Variants in CLPX observed in about 807,000 individuals in gnomAD.
CLPX encodes the protein caseinolytic mitochondrial matrix peptidase chaperone subunit X.
CLPX carries 34 observed loss-of-function variants against 76.4 expected under a neutral mutation model. The observed-to-expected ratio is 0.45, with a 90% CI of 0.34 to 0.59. CLPX has a LOEUF of 0.59. CLPX is among the 20% of genes least tolerant of loss of function. The probability of loss-of-function intolerance (pLI) is 0.01; values close to 1 mark genes in which losing one functional copy is unlikely to be tolerated. For synonymous variants in CLPX, 248 were observed against 270.9 expected (o/e 0.92, Z 0.83); for missense variants, 613 against 757.0 (o/e 0.81, Z 2.23).
chr15:65,168,300 T>C (rs1489441378), intron 3 of CLPX, among the ~76,000 whole-genome samples: 38 of 131,786 alleles, frequency 2.9e-4, no homozygotes, highest in African/African-American at 1.0e-3. Context: ...AGGAGAATGG[T>C]ATGAACCCGG....
Position 65,158,211 on chromosome 15 carries a change from A to G in CLPX, c.893-301T>C, listed in dbSNP as rs1034925988. ...CTAATACTTTATTTTTTATAGAGAT[A>G]GAGTCTTGCTCTGTTGCCTAGGCTG... On this transcript the variant is annotated intron_variant, in intron 7 of 13. Transcript: ENST00000300107. 4 of 307,844 alleles carry G rather than the reference A, an allele frequency of 1.3e-5. No individual in the cohort carries two copies. In the Admixed American group the frequency reaches 1.4e-4, roughly 11 times the overall value. The allele number at this position is 307,844 out of a possible 1,614,324, so 19.1% of individuals were successfully genotyped here. A position where few individuals can be genotyped will look rare whatever the true frequency, so the allele number is the denominator to read the frequency against.
intron 4 of CLPX, 142 bp downstream of exon 4, chr15:65,166,489 A>G: frequency 1.2e-6 from 1 of 857,242 alleles, no homozygotes. Flanking sequence ...GGCAATAACA[A>G]TTTAGCCACA....
intron 6 of CLPX, 115 bp downstream of exon 6, chr15:65,162,489 C>T (rs2087866403): frequency 1.6e-6 from 1 of 641,046 alleles, no homozygotes; most frequent in African/African-American, 1.9e-5. Context: ...ACGTATCTTT[C>T]TTGGTAATAC....
Position 65,155,764 on chromosome 15 carries a change from T to G in CLPX, c.1239A>C (p.Thr413=), listed in dbSNP as rs772728938. ...CACCAGATGCCACAAACAGGATGTT[T>G]GTTGTATCAACTTGAACTGTTTCTC... The part of the protein sequence containing the change: ...LRGETVQVDT[T]NILFVASGAF... The change falls in exon 10 of 14, where the codon ACA becomes ACC. Residue 413 remains threonine (T), a synonymous_variant. Transcript: ENST00000300107. 4.3e-6 allele frequency: 7 copies of G among 1,614,012 alleles called. No homozygotes were observed. In the African/African-American group the frequency reaches 9.3e-5, roughly 22 times the overall value.
At chr15:65,166,458 C>T (rs1428147673) in intron 4 of CLPX, among the ~76,000 whole-genome samples, 173 bp downstream of exon 4, 2 of 152,144 alleles carry the variant, frequency 1.3e-5, no homozygotes, top group African/African-American at 4.8e-5. Flanking sequence ...AAGCAACAGA[C>T]CCCATATTTA....
At chr15:65,160,322 T>C (rs1057329773) in intron 6 of CLPX, among the ~76,000 whole-genome samples, 7 of 152,196 alleles carry the variant, frequency 4.6e-5, no homozygotes, top group African/African-American at 7.2e-5. Flanking sequence ...CTGGATTAAA[T>C]TGTGCTACCT....
chr15:65,158,088 C>T, intron 7 of CLPX, 178 bp from the exon 8 acceptor site: 2 of 524,414 alleles, frequency 3.8e-6, no homozygotes, highest in East Asian at 3.5e-5. Context: ...GGCTGGAGTG[C>T]AGCCTGTGAT....
intron 13 of CLPX, among the ~76,000 whole-genome samples, chr15:65,151,843 A>T (rs574675918): frequency 1.3e-5 from 2 of 152,336 alleles, no homozygotes; most frequent in African/African-American, 4.8e-5. Flanking sequence ...AGGTAACATT[A>T]ATGTCAAGCA....
rs1249307787 is a variant in CLPX, at chr15:65,176,578, CTTTTTTCTT to C, written c.358+2347_358+2355del. ...TCCTTTTCTACTCTAAGAAATTATTCTTTTTTCTTTTTTTTCTTTCTTTTTTTTTTTTTG... is the reference window on the plus strand; with the variant it reads ...TCCTTTTCTACTCTAAGAAATTATTCTTTTTTCTTTCTTTTTTTTTTTTTG... On this transcript the variant is annotated intron_variant, in intron 3 of 13. Transcript: ENST00000300107. 3.3e-5 allele frequency among the ~76,000 whole-genome samples: 5 copies of C among 150,596 alleles called. No homozygotes were observed. In the East Asian group the frequency reaches 9.7e-4, roughly 29 times the overall value.
chr15:65,176,598 C>CTTTT (rs747274807), intron 3 of CLPX, among the ~76,000 whole-genome samples: 1 of 140,938 alleles, frequency 7.1e-6, no homozygotes, highest in Non-Finnish European at 1.6e-5. Flanking sequence ...TTTTTTCTTT[C>CTTTT]TTTTTTTTTT....
chr15:65,180,130 C>A lies in CLPX; in HGVS notation c.154G>T (p.Ala52Ser), dbSNP rs778924357. ...GTFETQILQR[A>S]PLRSFTETPA... The stretch of plus-strand genomic sequence containing the variant: ...GTTTCTGTAAAGGATCTAAGAGGAG[C>A]TCTTTGCAGAATCTGAGTTTCAAAT... Residue 52 changes from alanine to serine, a missense_variant, in exon 2 of 14, where the codon GCT becomes TCT. This residue lies in a region of CLPX where 163 missense variants were observed against 118.4 expected (regional missense o/e 1.38). Transcript: ENST00000300107. 11 of 1,611,134 alleles carry A rather than the reference C, an allele frequency of 6.8e-6. No individual in the cohort carries two copies. Among genetic ancestry groups the A allele is most frequent in the Non-Finnish European group, 9.3e-6 (11 of 1,178,324 alleles).
intron 6 of CLPX, 151 bp downstream of exon 6, chr15:65,162,453 A>G: frequency 2.0e-6 from 1 of 496,968 alleles, no homozygotes; most frequent in Non-Finnish European, 3.6e-6. Context: ...TATATATACC[A>G]TGTAGGATAA....
At chr15:65,165,348 A>G (rs2087896774) in intron 4 of CLPX, among the ~76,000 whole-genome samples, 1 of 147,596 alleles carries the variant, frequency 6.8e-6, no homozygotes. Context: ...TAATTCAAAA[A>G]CTCCTGAAAT....
At chr15:65,166,860 T>C in intron 3 of CLPX, 75 bp from the exon 4 acceptor site, 1 of 1,426,638 alleles carries the variant, frequency 7.0e-7, no homozygotes, top group East Asian at 2.3e-5. Context: ...AAGACTCCAC[T>C]GTAAATGAAA....
intron 10 of CLPX, 82 bp downstream of exon 10, chr15:65,155,610 G>T: frequency 3.5e-6 from 4 of 1,140,076 alleles, no homozygotes; most frequent in Non-Finnish European, 3.8e-6. Flanking sequence ...ATGACTGGTA[G>T]CCCGCAGATA....
Position 65,185,086 on chromosome 15 carries a change from G to C in CLPX, c.68C>G (p.Ser23Cys), listed in dbSNP as rs1188416478. The C allele has an allele frequency of 6.3e-7, 1 of 1,580,350 alleles. No homozygotes were observed. The highest frequency in any genetic ancestry group is 2.3e-5 in the East Asian group (1 of 43,614). The part of the protein sequence containing the change: ...AVRLITSSLA[S>C]AQRGISGGRI... ...CACTATTTCGTTACCTCTCTGCGCG[G>C]AGGCGAGTGAGGAGGTGATGAGCCG... Residue 23 changes from serine (S) to cysteine (C), a missense_variant, in exon 1 of 14, where the codon TCC (serine) becomes TGC (cysteine). Transcript: ENST00000300107.
At chr15:65,164,259 A>G in intron 4 of CLPX, 71 bp from the exon 5 acceptor site, 1 of 1,249,468 alleles carries the variant, frequency 8.0e-7, no homozygotes, top group East Asian at 2.5e-5. Context: ...AAAGTTATTT[A>G]CTAAGCATAT....
intron 7 of CLPX, 26 bp downstream of exon 7, chr15:65,158,549 G>T (rs768733311): frequency 7.0e-6 from 11 of 1,580,132 alleles, no homozygotes; most frequent in Admixed American, 3.6e-5. Flanking sequence ...AAAATGAGTA[G>T]TAAATTTTCT....
At chr15:65,171,257 G>A (rs1350449674) in intron 3 of CLPX, among the ~76,000 whole-genome samples, 1 of 151,942 alleles carries the variant, frequency 6.6e-6, no homozygotes, top group Non-Finnish European at 1.5e-5. Flanking sequence ...GACCAGCCTA[G>A]CCAACATAGT....
Sources: allele counts gnomAD v4.1 joint callset (sites outside exome capture counted in the v4.1 genomes callset), GRCh38; gene constraint gnomAD v4.1.1; regional missense constraint gnomAD v4.1.1; transcripts MANE v1.5; gene names NCBI Gene and HGNC (gene_info 2026-07-23, HGNC 2026-07-21).